Variants in PDE8A observed in about 807,000 individuals in gnomAD.
The protein encoded by PDE8A is high affinity cAMP-specific and IBMX-insensitive 3',5'-cyclic phosphodiesterase 8A.
In PDE8A, 59 loss-of-function variants were observed where a neutral mutation model predicts 105.0. The ratio of observed to expected loss-of-function variants is 0.56; its 90% confidence interval spans 0.46 to 0.70. The LOEUF (loss-of-function observed/expected upper bound fraction) is 0.70, where lower values mean the gene tolerates loss of function less well. Among genes scored for constraint, PDE8A ranks in the 30% least tolerant of loss-of-function variants. The probability of loss-of-function intolerance (pLI) is 0.00; values close to 1 mark genes in which losing one functional copy is unlikely to be tolerated. For missense variants in PDE8A, 1,014 were observed against 1,045.9 expected, an observed-to-expected ratio of 0.97 and a Z score of 0.42; for synonymous variants, 355 against 371.9, an observed-to-expected ratio of 0.95 and a Z score of 0.52.
At chr15:85,111,682 T>A (rs1268932281) in intron 12 of PDE8A, among the ~76,000 whole-genome samples, 1 of 152,210 alleles carries the variant, frequency 6.6e-6, no homozygotes, top group Non-Finnish European at 1.5e-5. Context: ...TGCATTTCCA[T>A]GTGACGCTTA....
intron 20 of PDE8A, 126 bp from the exon 21 acceptor site, chr15:85,136,408 G>A (rs2082410571): frequency 1.1e-6 from 1 of 903,618 alleles, no homozygotes; most frequent in Non-Finnish European, 1.7e-6. Flanking sequence ...GTGAGGTGGT[G>A]ATTGGCTTCT....
At chr15:85,099,963 C>G (rs184424883) in intron 9 of PDE8A, 52 bp from the exon 10 acceptor site, 7 of 1,411,196 alleles carry the variant, frequency 5.0e-6, no homozygotes, top group Non-Finnish European at 6.9e-6. Context: ...AACGACATAT[C>G]CATCAAATTA....
intron 3 of PDE8A, among the ~76,000 whole-genome samples, chr15:85,072,701 C>A (rs986509847): frequency 6.6e-6 from 1 of 152,150 alleles, no homozygotes; most frequent in African/African-American, 2.4e-5. Context: ...TGGACTGTCT[C>A]CTCTGCACAT....
At chr15:85,117,974 G>C (rs2082123083) in intron 17 of PDE8A, 135 bp downstream of exon 17, 1 of 738,144 alleles carries the variant, frequency 1.4e-6, no homozygotes, top group Non-Finnish European at 2.4e-6. Flanking sequence ...GTCATACGAG[G>C]AATCAGGCAG....
At chr15:85,117,960 C>A in intron 17 of PDE8A, 121 bp downstream of exon 17, 1 of 804,162 alleles carries the variant, frequency 1.2e-6, no homozygotes, top group Non-Finnish European at 2.1e-6. Flanking sequence ...ACAGGAAGGG[C>A]AAGGTCATAC....
chr15:85,051,790 G>A (rs12913985), intron 1 of PDE8A, among the ~76,000 whole-genome samples: 2 of 151,822 alleles, frequency 1.3e-5, no homozygotes, highest in East Asian at 1.9e-4. Context: ...GGACGTGATC[G>A]TTTTCCTTTT....
At chr15:85,082,724 A>T (rs527580673) in intron 5 of PDE8A, among the ~76,000 whole-genome samples, 3 of 152,170 alleles carry the variant, frequency 2.0e-5, no homozygotes, top group African/African-American at 4.8e-5. Context: ...TTGTCCACTT[A>T]TTGTGCAGGT....
intron 17 of PDE8A, among the ~76,000 whole-genome samples, chr15:85,118,733 G>C (rs1306639476): frequency 6.6e-6 from 1 of 152,204 alleles, no homozygotes; most frequent in Non-Finnish European, 1.5e-5. Flanking sequence ...CCCTTGACCT[G>C]TTGCTCCCTT....
chr15:85,062,119 G>C (rs1057152678), intron 1 of PDE8A, among the ~76,000 whole-genome samples: 4 of 151,842 alleles, frequency 2.6e-5, no homozygotes, highest in Non-Finnish European at 4.4e-5. Context: ...TGTTGATTTA[G>C]TTTTTTTCAT....
At chr15:85,078,824 A>G (rs1392845978) in intron 5 of PDE8A, among the ~76,000 whole-genome samples, 2 of 152,210 alleles carry the variant, frequency 1.3e-5, no homozygotes, top group Admixed American at 6.5e-5. Context: ...ACTGTATGAA[A>G]CAATAATAAT....
chr15:85,091,325 C>A, intron 8 of PDE8A, 144 bp downstream of exon 8: 1 of 633,508 alleles, frequency 1.6e-6, no homozygotes, highest in Non-Finnish European at 2.5e-6. Flanking sequence ...CCTGTTATAT[C>A]CATTTTGCAG....
intron 1 of PDE8A, among the ~76,000 whole-genome samples, chr15:85,045,471 C>T (rs2080872790): frequency 6.6e-6 from 1 of 152,194 alleles, no homozygotes; most frequent in Admixed American, 6.5e-5. Flanking sequence ...ACTATTTGAC[C>T]ATACTTCTCT....
At chr15:85,075,338 C>T (rs2081366313) in intron 3 of PDE8A, among the ~76,000 whole-genome samples, 1 of 152,184 alleles carries the variant, frequency 6.6e-6, no homozygotes, top group South Asian at 2.1e-4. Flanking sequence ...ATTACAATAT[C>T]TTGCATTTCC....
intron 20 of PDE8A, among the ~76,000 whole-genome samples, chr15:85,133,917 C>T (rs754471043): frequency 2.6e-5 from 4 of 152,164 alleles, no homozygotes; most frequent in Non-Finnish European, 4.4e-5. Context: ...ACTTGCCTGG[C>T]TCTGTGCCAG....
intron 1 of PDE8A, among the ~76,000 whole-genome samples, chr15:85,004,701 A>G (rs1215461764): frequency 6.6e-6 from 1 of 152,198 alleles, no homozygotes; most frequent in Non-Finnish European, 1.5e-5. Context: ...CTGAATCTCT[A>G]AGTTCTGCTT....
At chr15:85,120,613 A>G (rs2082166145) in intron 17 of PDE8A, 184 bp from the exon 18 acceptor site, 1 of 542,336 alleles carries the variant, frequency 1.8e-6, no homozygotes, top group Admixed American at 3.5e-5. Flanking sequence ...GAGACTAACA[A>G]ATATGCAGAA....
intron 20 of PDE8A, among the ~76,000 whole-genome samples, chr15:85,127,287 T>TA (rs1423110905): frequency 6.6e-6 from 1 of 152,224 alleles, no homozygotes; most frequent in Non-Finnish European, 1.5e-5. Context: ...TGCCCATTCT[T>TA]ACCTCTTCTG....
intron 8 of PDE8A, 141 bp downstream of exon 8, chr15:85,091,322 T>C (rs948635409): frequency 7.7e-6 from 5 of 648,506 alleles, no homozygotes; most frequent in African/African-American, 5.5e-5. Flanking sequence ...ATCCCTGTTA[T>C]ATCCATTTTG....
intron 1 of PDE8A, among the ~76,000 whole-genome samples, chr15:85,024,365 G>A (rs935691031): frequency 6.6e-6 from 1 of 152,120 alleles, no homozygotes; most frequent in Non-Finnish European, 1.5e-5. Context: ...AAGTGAATTT[G>A]GTCTAGTTTG....
Sources: gnomAD v4.1 joint callset for allele counts (sites outside exome capture counted in the v4.1 genomes callset) on GRCh38, gnomAD v4.1.1 for gene constraint, MANE v1.5 for transcripts, NCBI Gene and HGNC (gene_info 2026-07-23, HGNC 2026-07-21) for gene names.